Variants in MACROD1 observed in about 807,000 individuals in gnomAD.
MACROD1 encodes mono-ADP ribosylhydrolase 1.
In MACROD1, 31 loss-of-function variants were observed where a neutral mutation model predicts 41.4. That is an observed-to-expected ratio of 0.75 (90% confidence interval 0.56 to 1.01). The LOEUF is 1.01. Ranked by LOEUF, MACROD1 falls within the 50% of genes least tolerant of loss-of-function variation. The pLI is 0.00. For missense variants in MACROD1, 473 were observed against 460.0 expected (o/e 1.03, Z -0.26); for synonymous variants, 252 against 203.4 (o/e 1.24, Z -2.03).
Position 64,165,580 on chromosome 11 carries a change from C to T in MACROD1, c.298+117G>A, listed in dbSNP as rs1299245211. ...GGGTCCGTTCCAGGGCAGATGGGGC[C>T]TCAACTTCCCCAGGTCTCTCGGGTG... On this transcript the variant is annotated intron_variant, in intron 1 of 10. Transcript: ENST00000255681. 7.3e-6 allele frequency: 7 copies of T among 958,936 alleles called. No individual in the cohort carries two copies. In the African/African-American group the frequency reaches 1.2e-4, roughly 17 times the overall value. The allele number at this position is 958,936 out of a possible 1,614,324, so 59.4% of individuals were successfully genotyped here.
intron 3 of MACROD1, 148 bp downstream of exon 3, chr11:64,151,091 G>T: frequency 1.5e-6 from 1 of 660,928 alleles, no homozygotes; most frequent in Non-Finnish European, 2.7e-6. Flanking sequence ...TGGCCGACAC[G>T]TTGGGCTGCC....
chr11:64,012,177 G>T (rs1040162300), intron 4 of MACROD1, among the ~76,000 whole-genome samples: 1 of 152,006 alleles, frequency 6.6e-6, no homozygotes, highest in Non-Finnish European at 1.5e-5. Flanking sequence ...TGTGCCAGCC[G>T]CTCCGCACCC....
intron 3 of MACROD1, among the ~76,000 whole-genome samples, chr11:64,092,458 G>A (rs997853291): frequency 9.9e-5 from 15 of 152,216 alleles, no homozygotes; most frequent in African/African-American, 3.6e-4. Context: ...CCTATGTGCC[G>A]CTGGAGAGGT....
intron 4 of MACROD1, among the ~76,000 whole-genome samples, chr11:64,003,342 C>T (rs1374581995): frequency 2.0e-5 from 3 of 152,172 alleles, no homozygotes; most frequent in Non-Finnish European, 4.4e-5. Flanking sequence ...CTCAGCCTCC[C>T]GAGTAGCTGA....
chr11:64,018,647 C>T (rs1943113857), intron 3 of MACROD1, among the ~76,000 whole-genome samples: 1 of 152,212 alleles, frequency 6.6e-6, no homozygotes, highest in Non-Finnish European at 1.5e-5. Context: ...TAGTTCCTGG[C>T]CACCGGCTTG....
At position 64,153,203 on chromosome 11, in the gene MACROD1, G is replaced by A. The variant is rs1242836429; in HGVS notation, c.299-810C>T. 1.6e-4 allele frequency among the ~76,000 whole-genome samples: 24 copies of A among 152,082 alleles called. No individual in the cohort carries two copies. The East Asian group carries it at 2.3e-3, about 15-fold the overall frequency. On this transcript the variant is annotated intron_variant, in intron 1 of 10. Transcript: ENST00000255681. Reference sequence around the variant, plus strand: ...CCTGGAACCCGTCTCAGAAGGGCCCGCCCCGACCGCGCCAGGCCAGGCTAG... The same window carrying A: ...CCTGGAACCCGTCTCAGAAGGGCCCACCCCGACCGCGCCAGGCCAGGCTAG...
rs749351220 is a variant in MACROD1, at chr11:64,000,208, G to C, written c.664+19C>G. The C allele has an allele frequency of 1.3e-6, 2 of 1,594,724 alleles. No homozygotes were observed. Among genetic ancestry groups the C allele is most frequent in the Non-Finnish European group, 1.7e-6 (2 of 1,169,578 alleles). On this transcript the variant is annotated intron_variant, in intron 5 of 10. Coordinates refer to ENST00000255681, the MANE Select transcript of MACROD1 (RefSeq NM_014067.4). ...CGCCCTGTCTGCGCCCCACAGCTGG[G>C]GGCGCGTCGGGGACTCACACTTGGC...
chr11:64,140,542 T>C (rs1740320939), intron 3 of MACROD1, among the ~76,000 whole-genome samples: 1 of 152,204 alleles, frequency 6.6e-6, no homozygotes, highest in Non-Finnish European at 1.5e-5. Context: ...AGGTGCTGGC[T>C]GATGGGATGC....
Position 64,036,559 on chromosome 11 carries a change from A to T in MACROD1, c.518-21278T>A, listed in dbSNP as rs1011277076. Among the ~76,000 whole-genome samples, 9 of 152,054 alleles carry T rather than the reference A, an allele frequency of 5.9e-5. No individual in the cohort carries two copies. The highest frequency in any genetic ancestry group is 2.2e-4 in the African/African-American group (9 of 41,412). On this transcript the variant is annotated intron_variant, in intron 3 of 10. Transcript: ENST00000255681. The surrounding 1 kb of genome is among the most constrained non-coding windows in gnomAD (Gnocchi z 5.6). ...GTGGGTCCCAGCTCCCGCACTCGGG[A>T]ACCGGAGGAGGGCGCGCGGCCAGGG...
intron 3 of MACROD1, among the ~76,000 whole-genome samples, chr11:64,054,351 G>A (rs1008755541): frequency 2.0e-5 from 3 of 152,196 alleles, no homozygotes; most frequent in Non-Finnish European, 2.9e-5. Context: ...GGAAAGAAGC[G>A]GCCACTTCTC....
chr11:64,049,875 C>T (rs1180434360), intron 3 of MACROD1, among the ~76,000 whole-genome samples: 1 of 152,230 alleles, frequency 6.6e-6, no homozygotes, highest in African/African-American at 2.4e-5. Flanking sequence ...CATCCCCCAG[C>T]TCTGTTCTAG....
At chr11:64,148,480 C>T (rs1020639988) in intron 3 of MACROD1, among the ~76,000 whole-genome samples, 6 of 152,216 alleles carry the variant, frequency 3.9e-5, no homozygotes, top group Admixed American at 2.6e-4. Context: ...GGGCCACTGA[C>T]GCCCGCGGGG....
At chr11:64,139,773 G>A (rs901156567) in intron 3 of MACROD1, among the ~76,000 whole-genome samples, 3 of 151,912 alleles carry the variant, frequency 2.0e-5, no homozygotes, top group South Asian at 2.1e-4. Context: ...TGGCTAACAC[G>A]GTGAAACCCC....
At chr11:64,077,701 C>T (rs1014719237) in intron 3 of MACROD1, among the ~76,000 whole-genome samples, 3 of 152,172 alleles carry the variant, frequency 2.0e-5, no homozygotes, top group South Asian at 2.1e-4. Context: ...CTGGGAGCAT[C>T]AGCATTCAAA....
intron 3 of MACROD1, among the ~76,000 whole-genome samples, chr11:64,063,421 G>GCTCC (rs1943940240): frequency 1.3e-5 from 2 of 152,154 alleles, no homozygotes; most frequent in African/African-American, 4.8e-5. Flanking sequence ...GAGCGATGGA[G>GCTCC]GGAGAGGAGG....
chr11:64,157,145 T>G (rs1016699224), intron 1 of MACROD1, among the ~76,000 whole-genome samples: 3 of 152,102 alleles, frequency 2.0e-5, no homozygotes, highest in African/African-American at 4.8e-5. Context: ...CAGGCTGGAG[T>G]GCAGTGGCAC....
intron 3 of MACROD1, among the ~76,000 whole-genome samples, chr11:64,139,164 C>T (rs754486723): frequency 1.3e-5 from 2 of 152,192 alleles, no homozygotes; most frequent in Non-Finnish European, 2.9e-5. Context: ...CACTGCCTCC[C>T]GCACCACTGT....
chr11:64,028,853 C>T (rs1310274331), intron 3 of MACROD1, among the ~76,000 whole-genome samples: 7 of 152,180 alleles, frequency 4.6e-5, no homozygotes, highest in Admixed American at 3.9e-4. Context: ...CCTCCCAGGA[C>T]TCAGGGAGGG....
chr11:64,057,927 T>C (rs1943821116), intron 3 of MACROD1, among the ~76,000 whole-genome samples: 1 of 152,230 alleles, frequency 6.6e-6, no homozygotes. Flanking sequence ...GCCAGTTTTC[T>C]TTCCACTGTG....
Sources: allele counts gnomAD v4.1 joint callset (sites outside exome capture counted in the v4.1 genomes callset), GRCh38; gene constraint gnomAD v4.1.1; non-coding constraint Gnocchi (gnomAD v3.1); transcripts MANE v1.5; gene names NCBI Gene and HGNC (gene_info 2026-07-23, HGNC 2026-07-21).